The following THRB variants were observed in gnomAD, a reference collection of about 807,000 sequenced individuals.
The protein encoded by THRB is thyroid hormone receptor beta, also known as nuclear receptor subfamily 1 group A member 2.
In THRB, 12 loss-of-function variants were observed where a neutral mutation model predicts 47.8. The ratio of observed to expected loss-of-function variants is 0.25; its 90% CI spans 0.16 to 0.41. The LOEUF is 0.41. THRB is among the 10% of genes least tolerant of loss of function. The probability of loss-of-function intolerance (pLI) is 1.00; values close to 1 mark genes in which losing one functional copy is unlikely to be tolerated. For synonymous variants in THRB, 218 were observed against 212.2 expected (o/e 1.03, Z -0.24); for missense variants, 348 against 589.2 (o/e 0.59, Z 4.24).
chr3:24,308,133 C>G (rs4858113), intron 2 of THRB, among the ~76,000 whole-genome samples: 47,259 of 151,898 alleles, frequency 0.31, 7,525 homozygotes, highest in East Asian at 0.41. Flanking sequence ...TACAAACCTG[C>G]ACATCCTGTA....
chr3:24,181,621 T>G (rs1422781113), intron 5 of THRB, among the ~76,000 whole-genome samples: 1 of 152,230 alleles, frequency 6.6e-6, no homozygotes. Flanking sequence ...AACAGTGAGA[T>G]AGGTGACATT....
Position 24,286,475 on chromosome 3 carries a change from T to C in THRB, c.-43+10751A>G, listed in dbSNP as rs183968814. On this transcript the variant is annotated intron_variant, in intron 3 of 10. Coordinates refer to ENST00000646209, the MANE Select transcript of THRB (RefSeq NM_001354712.2). ...TGGCTAAGAGGCAAGAGAGGAATTT[T>C]GTACATAAGAGACTTAATGCATATG... is the stretch of plus-strand genomic sequence containing the variant. Among the ~76,000 whole-genome samples the C allele has an allele frequency of 5.9e-5, 9 of 152,322 alleles. No homozygotes were observed. In the East Asian group the frequency reaches 1.7e-3, roughly 29 times the overall value.
chr3:24,349,316 A>T (rs190844645), intron 1 of THRB, among the ~76,000 whole-genome samples: 2 of 152,036 alleles, frequency 1.3e-5, no homozygotes, highest in Non-Finnish European at 2.9e-5. Context: ...TCAAAATCTC[A>T]TAAGTCTTGG....
chr3:24,438,152 A>T (rs1268317983), intron 1 of THRB, among the ~76,000 whole-genome samples: 1 of 151,992 alleles, frequency 6.6e-6, no homozygotes, highest in Non-Finnish European at 1.5e-5. Context: ...AGGTGAAATG[A>T]ATGGAAGGTT....
At chr3:24,263,133 ATT>A (rs2052254392) in intron 3 of THRB, among the ~76,000 whole-genome samples, 1 of 152,170 alleles carries the variant, frequency 6.6e-6, no homozygotes, top group East Asian at 1.9e-4. Context: ...CCTTTCAGTC[ATT>A]TATGTGCAAC....
chr3:24,151,188 T>C (rs2036868273), intron 6 of THRB, among the ~76,000 whole-genome samples: 3 of 152,184 alleles, frequency 2.0e-5, no homozygotes, highest in East Asian at 1.9e-4. Context: ...CCCTTTCCAA[T>C]GGATGTATTA....
At chr3:24,486,748 G>A (rs1036849944) in intron 1 of THRB, among the ~76,000 whole-genome samples, 7 of 152,076 alleles carry the variant, frequency 4.6e-5, no homozygotes, top group Non-Finnish European at 2.9e-5. Context: ...CATCTACATA[G>A]GTCATAACTT....
intron 3 of THRB, among the ~76,000 whole-genome samples, chr3:24,233,286 G>T (rs1415788682): frequency 6.6e-6 from 1 of 152,108 alleles, no homozygotes; most frequent in Admixed American, 6.6e-5. Context: ...AACTGTGGCT[G>T]CTGCTAATTA....
At chr3:24,294,023 C>T (rs1177634893) in intron 3 of THRB, among the ~76,000 whole-genome samples, 1 of 152,222 alleles carries the variant, frequency 6.6e-6, no homozygotes, top group African/African-American at 2.4e-5. Flanking sequence ...GAGAAGTGGA[C>T]TCCTTCTCAA....
intron 5 of THRB, among the ~76,000 whole-genome samples, chr3:24,161,211 C>T (rs964361411): frequency 6.6e-6 from 1 of 152,202 alleles, no homozygotes; most frequent in Admixed American, 6.5e-5. Flanking sequence ...GGTGTTTTCT[C>T]TGAACAGCAT....
At chr3:24,398,061 G>T (rs1391863965) in intron 1 of THRB, among the ~76,000 whole-genome samples, 1 of 152,052 alleles carries the variant, frequency 6.6e-6, no homozygotes, top group African/African-American at 2.4e-5. Context: ...TACTATAACT[G>T]CTTATGTATC....
At chr3:24,269,596 T>C (rs1240724611) in intron 3 of THRB, among the ~76,000 whole-genome samples, 3 of 117,808 alleles carry the variant, frequency 2.5e-5, no homozygotes, top group Non-Finnish European at 5.3e-5. Context: ...TGGATAATTT[T>C]TAATTTTTTT....
In THRB at chr3:24,120,680, G is replaced by C. The variant is rs886058283; in HGVS notation, c.*2204C>G. 6.6e-6 allele frequency: 1 copy of C among 152,292 alleles called. No individual in the cohort carries two copies. The highest frequency in any genetic ancestry group is 1.5e-5 in the Non-Finnish European group (1 of 68,096). The allele number at this position is 152,292 out of a possible 1,614,324, so 9.4% of individuals were successfully genotyped here. A position where few individuals can be genotyped will look rare whatever the true frequency, so the allele number is the denominator to read the frequency against. On this transcript the variant is annotated 3_prime_UTR_variant, in exon 11 of 11. Transcript: ENST00000646209. ...CGGTTGGTTCCTCAAGGAGTCAAGA[G>C]AGGAAGCTGAAATATTAGCAGAGCA...
chr3:24,320,721 G>C (rs1328653439), intron 2 of THRB, among the ~76,000 whole-genome samples: 4 of 152,044 alleles, frequency 2.6e-5, no homozygotes, highest in African/African-American at 9.7e-5. Context: ...CAAAAAAAGG[G>C]GGAGGACTTT....
chr3:24,278,290 A>T (rs2054147726), intron 3 of THRB, among the ~76,000 whole-genome samples: 1 of 152,232 alleles, frequency 6.6e-6, no homozygotes, highest in Admixed American at 6.5e-5. Flanking sequence ...GCAGGCATAA[A>T]GTATGCTATA....
At chr3:24,231,000 A>G (rs1195058883) in intron 3 of THRB, among the ~76,000 whole-genome samples, 1 of 152,192 alleles carries the variant, frequency 6.6e-6, no homozygotes, top group East Asian at 1.9e-4. Flanking sequence ...AGACAGCCTG[A>G]AGTGGAAGGA....
chr3:24,313,495 C>T (rs541455784), intron 2 of THRB, among the ~76,000 whole-genome samples: 3 of 152,304 alleles, frequency 2.0e-5, no homozygotes, highest in South Asian at 4.1e-4. Context: ...CTCAATTGAA[C>T]ATTTTAAAAA....
intron 2 of THRB, among the ~76,000 whole-genome samples, chr3:24,299,618 AAC>A (rs1450484395): frequency 6.6e-6 from 1 of 151,534 alleles, no homozygotes; most frequent in African/African-American, 2.4e-5. Flanking sequence ...AATTTTTTAA[AAC>A]AGTTTCTGTG....
At chr3:24,319,628 T>A (rs966667003) in intron 2 of THRB, among the ~76,000 whole-genome samples, 72 of 152,222 alleles carry the variant, frequency 4.7e-4, no homozygotes, top group African/African-American at 1.7e-3. Flanking sequence ...GTTTTGTATG[T>A]TCTTCCAAGT....
Sources: gnomAD v4.1 joint callset for allele counts (sites outside exome capture counted in the v4.1 genomes callset) on GRCh38, gnomAD v4.1.1 for gene constraint, MANE v1.5 for transcripts, NCBI Gene and HGNC (gene_info 2026-07-23, HGNC 2026-07-21) for gene names.